Variants in GLIS3 observed in about 807,000 individuals in gnomAD.
GLIS3 encodes the protein GLIS family zinc finger 3.
A neutral mutation model predicts 78.6 loss-of-function variants in GLIS3; 53 were observed. That is an observed-to-expected ratio of 0.67 (90% CI 0.54 to 0.85). The LOEUF (loss-of-function observed/expected upper bound fraction) is 0.85. Among genes scored for constraint, GLIS3 ranks in the 40% least tolerant of loss-of-function variants. The pLI is 0.00. For synonymous variants in GLIS3, 684 were observed against 509.9 expected, an observed-to-expected ratio of 1.34 and a Z score of -4.60; for missense variants, 1,703 against 1,231.1, an observed-to-expected ratio of 1.38 and a Z score of -5.74.
chr9:4,175,223 A>C (rs7044458), intron 2 of GLIS3, among the ~76,000 whole-genome samples: 32,114 of 152,184 alleles, frequency 0.21, 4,218 homozygotes, highest in African/African-American at 0.38. Context: ...TCTTTATTAA[A>C]AGCAAATGCA....
At chr9:4,398,414 G>A in the GLIS3 span, among the ~76,000 whole-genome samples, 2 of 151,976 alleles carry the variant, frequency 1.3e-5, no homozygotes, top group Admixed American at 1.3e-4. Flanking sequence ...GGTGATTCAA[G>A]TGCACATTCA....
chr9:3,851,563 G>C (rs141606135), intron 9 of GLIS3, among the ~76,000 whole-genome samples: 19 of 152,308 alleles, frequency 1.2e-4, no homozygotes, highest in African/African-American at 4.6e-4. Context: ...AGCAGTGCTA[G>C]TAATCTTTCA....
chr9:3,907,881 A>C (rs1823832228), intron 6 of GLIS3, among the ~76,000 whole-genome samples: 2 of 152,066 alleles, frequency 1.3e-5, no homozygotes, highest in Non-Finnish European at 2.9e-5. Context: ...GGCATTCTAA[A>C]CTTACTCTGA....
At chr9:3,894,100 G>A (rs1822651766) in intron 7 of GLIS3, among the ~76,000 whole-genome samples, 1 of 151,502 alleles carries the variant, frequency 6.6e-6, no homozygotes, top group African/African-American at 2.5e-5. Flanking sequence ...AATCCCTTTT[G>A]TGCCCCCAAG....
At chr9:4,482,218 G>T in the GLIS3 span, among the ~76,000 whole-genome samples, 397 of 152,284 alleles carry the variant, frequency 2.6e-3, 1 homozygote, top group African/African-American at 8.7e-3. Context: ...TCTTCAATTT[G>T]TCAGAGTGAG....
the GLIS3 span, among the ~76,000 whole-genome samples, chr9:4,453,913 G>A: frequency 6.6e-6 from 1 of 151,948 alleles, no homozygotes. Context: ...GAGTTGATGG[G>A]TGCAGCAAAC....
At chr9:4,468,113 A>G in the GLIS3 span, among the ~76,000 whole-genome samples, 2 of 152,194 alleles carry the variant, frequency 1.3e-5, no homozygotes, top group African/African-American at 2.4e-5. Flanking sequence ...GAAATGAACA[A>G]AGCCTCCAAG....
At chr9:4,021,867 A>G (rs474546) in intron 4 of GLIS3, among the ~76,000 whole-genome samples, 16,200 of 152,176 alleles carry the variant, frequency 0.11, 1,660 homozygotes, top group African/African-American at 0.26. Flanking sequence ...CGGGCACAAC[A>G]TATCTCTAAC....
chr9:4,440,203 C>A, the GLIS3 span, among the ~76,000 whole-genome samples: 18 of 152,076 alleles, frequency 1.2e-4, no homozygotes, highest in African/African-American at 3.9e-4. Flanking sequence ...GTTGTAATCC[C>A]ATTTTTCCAA....
chr9:4,439,876 T>C, the GLIS3 span, among the ~76,000 whole-genome samples: 18,904 of 152,084 alleles, frequency 0.12, 1,238 homozygotes, highest in South Asian at 0.19. Flanking sequence ...AGAGAAAAGG[T>C]TTCACCCTGT....
intron 2 of GLIS3, among the ~76,000 whole-genome samples, chr9:4,273,976 A>G (rs571205192): frequency 4.6e-5 from 7 of 152,226 alleles, no homozygotes; most frequent in African/African-American, 1.7e-4. Context: ...AAACCAAAGA[A>G]AAGAGCATGT....
At chr9:4,149,818 A>G (rs1834525109) in intron 2 of GLIS3, among the ~76,000 whole-genome samples, 1 of 152,260 alleles carries the variant, frequency 6.6e-6, no homozygotes, top group African/African-American at 2.4e-5. Context: ...AAAATAAGGT[A>G]GGATAAAAAA....
intron 4 of GLIS3, among the ~76,000 whole-genome samples, chr9:3,999,779 T>C (rs1821000336): frequency 6.6e-6 from 1 of 152,114 alleles, no homozygotes; most frequent in Non-Finnish European, 1.5e-5. Context: ...GAAATGAATA[T>C]GGAAGAATTA....
At chr9:4,165,357 C>G (rs1051903079) in intron 2 of GLIS3, among the ~76,000 whole-genome samples, 7 of 152,186 alleles carry the variant, frequency 4.6e-5, no homozygotes, top group African/African-American at 1.7e-4. Context: ...AGGAGAACCG[C>G]TTGAGCCCAG....
chr9:3,971,273 C>T (rs1450707511), intron 4 of GLIS3, among the ~76,000 whole-genome samples: 2 of 152,282 alleles, frequency 1.3e-5, no homozygotes, highest in East Asian at 3.9e-4. Flanking sequence ...TACACACTTT[C>T]TGCCTATGTC....
chr9:4,157,823 G>A (rs191900651), intron 2 of GLIS3, among the ~76,000 whole-genome samples: 1 of 152,054 alleles, frequency 6.6e-6, no homozygotes. Context: ...ATGCATTCTG[G>A]GAGCCTTTAT....
rs529968250 is a variant in GLIS3, at chr9:4,342,552, T to G, written n.264+4529A>C. 8.1e-4 allele frequency among the ~76,000 whole-genome samples: 124 copies of G among 152,360 alleles called. 1 individual carries two copies. The highest frequency in any genetic ancestry group is 2.9e-3 in the African/African-American group (120 of 41,588). On this transcript the variant is annotated intron_variant and non_coding_transcript_variant, in intron 2 of 4. Coordinates refer to the GLIS3 transcript ENST00000471664. ...TCCAGTGCTTAGAATTCTAACTTTT[T>G]GCTTAGAATTGCTGTGGCTATTTCA...
At position 3,898,849 on chromosome 9, in the gene GLIS3, A is replaced by G; in HGVS notation, c.1984-14T>C. On this transcript the variant is annotated splice_polypyrimidine_tract_variant and intron_variant, in intron 6 of 10. Coordinates refer to ENST00000381971, the MANE Select transcript of GLIS3 (RefSeq NM_001042413.2). ...GCTGGACCGCAACTAAGAGGACAAAACGGAAGAGACATCGATAAGGAGAGC... is the reference window on the plus strand; with the variant it reads ...GCTGGACCGCAACTAAGAGGACAAAGCGGAAGAGACATCGATAAGGAGAGC... 1.9e-6 allele frequency: 3 copies of G among 1,613,854 alleles called. No individual in the cohort carries two copies. The highest frequency in any genetic ancestry group is 2.5e-6 in the Non-Finnish European group (3 of 1,180,026).
the GLIS3 span, among the ~76,000 whole-genome samples, chr9:4,422,925 A>G: frequency 6.6e-6 from 1 of 152,328 alleles, no homozygotes; most frequent in East Asian, 1.9e-4. Flanking sequence ...GACTTCTTAA[A>G]CAGTGGTCAT....
Sources: allele counts gnomAD v4.1 joint callset (sites outside exome capture counted in the v4.1 genomes callset), GRCh38; gene constraint gnomAD v4.1.1; transcripts MANE v1.5; gene names NCBI Gene and HGNC (gene_info 2026-07-23, HGNC 2026-07-21).